The following CALN1 variants were observed in gnomAD, a reference collection of about 807,000 sequenced individuals.
CALN1 encodes calcium-binding protein 8.
In CALN1, 17 loss-of-function variants were observed where a neutral mutation model predicts 30.6. The ratio of observed to expected loss-of-function variants is 0.56; its 90% CI spans 0.38 to 0.83. The LOEUF (loss-of-function observed/expected upper bound fraction) is 0.83, where lower values mean the gene tolerates loss of function less well. Among genes scored for constraint, CALN1 ranks in the 40% least tolerant of loss-of-function variants. The pLI is 0.00. For synonymous variants in CALN1, 156 were observed against 131.4 expected, an observed-to-expected ratio of 1.19 and a Z score of -1.28; for missense variants, 291 against 354.9, an observed-to-expected ratio of 0.82 and a Z score of 1.45.
chr7:72,168,352 A>G (rs185804264), intron 3 of CALN1, among the ~76,000 whole-genome samples: 270 of 152,342 alleles, frequency 1.8e-3, no homozygotes, highest in African/African-American at 5.9e-3. Context: ...TTTGTGAACT[A>G]GACTGTGAAT....
At chr7:72,182,031 G>C (rs1402444376) in intron 3 of CALN1, among the ~76,000 whole-genome samples, 1 of 152,188 alleles carries the variant, frequency 6.6e-6, no homozygotes, top group Non-Finnish European at 1.5e-5. Context: ...TTCAGGGTTA[G>C]GTGAGAAGTT....
intron 2 of CALN1, among the ~76,000 whole-genome samples, chr7:72,317,225 AAGAG>A (rs1217191795): frequency 7.7e-6 from 1 of 129,846 alleles, no homozygotes; most frequent in African/African-American, 2.9e-5. Flanking sequence ...GAGAGAAAGA[AAGAG>A]AAGAGAAGGA....
At chr7:71,858,054 C>T in intron 5 of CALN1, among the ~76,000 whole-genome samples, 1 of 152,076 alleles carries the variant, frequency 6.6e-6, no homozygotes, top group Admixed American at 6.5e-5. Flanking sequence ...GTGTCCTCAC[C>T]CAAATCTCAT....
At chr7:71,976,078 G>C (rs974015193) in intron 5 of CALN1, among the ~76,000 whole-genome samples, 1 of 151,920 alleles carries the variant, frequency 6.6e-6, no homozygotes, top group Non-Finnish European at 1.5e-5. Flanking sequence ...ACCAGACTGA[G>C]AGGATTCTCA....
chr7:72,432,051 C>T (rs1411318402), intron 1 of CALN1, among the ~76,000 whole-genome samples: 1 of 152,078 alleles, frequency 6.6e-6, no homozygotes. Context: ...TATGATTTGG[C>T]TGTGTCCCCA....
intron 3 of CALN1, among the ~76,000 whole-genome samples, chr7:72,218,069 C>T (rs1409573921): frequency 6.6e-6 from 1 of 151,102 alleles, no homozygotes; most frequent in Non-Finnish European, 1.5e-5. Context: ...GTCTTGATCT[C>T]CTGACCTCGT....
chr7:72,132,920 A>G (rs1208546522), intron 3 of CALN1, among the ~76,000 whole-genome samples: 1 of 152,138 alleles, frequency 6.6e-6, no homozygotes, highest in East Asian at 1.9e-4. Context: ...CCTGAGCTCC[A>G]TCTCCTATCA....
At chr7:71,950,222 T>C (rs1195527158) in intron 5 of CALN1, among the ~76,000 whole-genome samples, 1 of 152,134 alleles carries the variant, frequency 6.6e-6, no homozygotes, top group Non-Finnish European at 1.5e-5. Context: ...TTGCTCACAG[T>C]TGTTTTAGCC....
At chr7:72,396,877 T>C (rs1805998308) in intron 2 of CALN1, among the ~76,000 whole-genome samples, 1 of 152,180 alleles carries the variant, frequency 6.6e-6, no homozygotes, top group Non-Finnish European at 1.5e-5. Context: ...CTGTGTCCCA[T>C]ATCCTTGTAG....
chr7:72,308,389 G>T (rs954417425), intron 2 of CALN1, among the ~76,000 whole-genome samples: 1 of 118,460 alleles, frequency 8.4e-6, no homozygotes, highest in East Asian at 7.5e-4. Flanking sequence ...GAGAGAGAGA[G>T]AGAGAGAGAG....
intron 5 of CALN1, among the ~76,000 whole-genome samples, chr7:71,990,023 C>T (rs1373994368): frequency 6.6e-6 from 1 of 152,210 alleles, no homozygotes; most frequent in Non-Finnish European, 1.5e-5. Flanking sequence ...GAGGCTGAGA[C>T]CTACTGGGCT....
At chr7:71,983,079 T>C (rs1385351696) in intron 5 of CALN1, among the ~76,000 whole-genome samples, 1 of 152,184 alleles carries the variant, frequency 6.6e-6, no homozygotes. Context: ...GTGGGCCCTA[T>C]GTAAATCATG....
At chr7:72,015,207 G>A (rs1800307533) in intron 5 of CALN1, among the ~76,000 whole-genome samples, 1 of 152,164 alleles carries the variant, frequency 6.6e-6, no homozygotes, top group African/African-American at 2.4e-5. Flanking sequence ...AAGGAAGCAA[G>A]GGTCAGAACC....
intron 3 of CALN1, among the ~76,000 whole-genome samples, chr7:72,216,092 A>C (rs534151507): frequency 3.9e-5 from 6 of 152,212 alleles, no homozygotes; most frequent in Non-Finnish European, 7.4e-5. Flanking sequence ...TGCCTCCAGA[A>C]AGACCCAACT....
At chr7:72,094,268 C>T (rs932675681) in intron 4 of CALN1, among the ~76,000 whole-genome samples, 1 of 141,062 alleles carries the variant, frequency 7.1e-6, no homozygotes, top group Non-Finnish European at 1.5e-5. Context: ...GGTGCACATA[C>T]CAGAATTTTT....
intron 2 of CALN1, among the ~76,000 whole-genome samples, chr7:72,339,719 G>T (rs899462284): frequency 2.0e-5 from 3 of 152,194 alleles, no homozygotes; most frequent in African/African-American, 7.2e-5. Context: ...GAAGGTAAAG[G>T]AGAAGCAAAG....
intron 1 of CALN1, among the ~76,000 whole-genome samples, chr7:72,407,792 C>A (rs926196079): frequency 6.6e-6 from 1 of 152,096 alleles, no homozygotes; most frequent in African/African-American, 2.4e-5. Context: ...CTCAGATGGG[C>A]GCTGGACTGG....
At chr7:72,452,227 C>T in the CALN1 span, among the ~76,000 whole-genome samples, 1 of 152,136 alleles carries the variant, frequency 6.6e-6, no homozygotes, top group Admixed American at 6.6e-5. Context: ...CAGCTCTCAA[C>T]TCACTCCTTG....
chr7:72,303,185 A>G (rs1799414281), intron 2 of CALN1, among the ~76,000 whole-genome samples: 1 of 152,240 alleles, frequency 6.6e-6, no homozygotes, highest in Non-Finnish European at 1.5e-5. Flanking sequence ...AAATGAGAGA[A>G]AATGAGATCT....
Sources: allele counts gnomAD v4.1 joint callset (sites outside exome capture counted in the v4.1 genomes callset), GRCh38; gene constraint gnomAD v4.1.1; transcripts MANE v1.5; gene names NCBI Gene and HGNC (gene_info 2026-07-23, HGNC 2026-07-21).